The following NDUFA5 variants were observed in gnomAD, a reference collection of about 807,000 sequenced individuals.
NDUFA5 encodes the protein NADH:ubiquinone oxidoreductase subunit A5, also known as NADH dehydrogenase [ubiquinone] 1 alpha subcomplex subunit 5.
A neutral mutation model predicts 19.8 loss-of-function variants in NDUFA5; 11 were observed. The observed-to-expected ratio is 0.56, with a 90% confidence interval of 0.35 to 0.92. The LOEUF is 0.92. NDUFA5 is among the 40% of genes least tolerant of loss of function. The pLI, the probability that NDUFA5 is intolerant of heterozygous loss-of-function variation, is 0.01. For synonymous variants in NDUFA5, 47 were observed against 46.8 expected, an observed-to-expected ratio of 1.00 and a Z score of -0.01; for missense variants, 109 against 134.2, an observed-to-expected ratio of 0.81 and a Z score of 0.93.
At chr7:123,558,068 G>A (rs1798630950), upstream of NDUFA5, 1 of 575,150 alleles carries the variant, frequency 1.7e-6, no homozygotes, top group African/African-American at 1.9e-5. Context: ...CACTGCTGAC[G>A]GCTTGCCCAA....
At chr7:123,567,773 T>G in the NDUFA5 span, among the ~76,000 whole-genome samples, 1 of 151,342 alleles carries the variant, frequency 6.6e-6, no homozygotes, top group Non-Finnish European at 1.5e-5. Context: ...AAAGCGAAAA[T>G]AACCCAGAAT....
chr7:123,552,636 T>TAAAA (rs774901648), intron 2 of NDUFA5, among the ~76,000 whole-genome samples: 12,297 of 66,484 alleles, frequency 0.18, 919 homozygotes, highest in African/African-American at 0.25. Context: ...AAAGTATAAC[T>TAAAA]AAAAAAAAAA....
chr7:123,546,428 T>C (rs768435522), intron 3 of NDUFA5, among the ~76,000 whole-genome samples: 11 of 152,206 alleles, frequency 7.2e-5, no homozygotes, highest in Non-Finnish European at 1.5e-4. Flanking sequence ...AAGTCCTTTT[T>C]TTCTACACAT....
intron 1 of NDUFA5, 85 bp from the exon 2 acceptor site, chr7:123,557,533 C>T: frequency 6.2e-7 from 1 of 1,611,224 alleles, no homozygotes; most frequent in Non-Finnish European, 8.5e-7. Flanking sequence ...ACCACGAATC[C>T]CCCGGCTAAA....
the NDUFA5 span, among the ~76,000 whole-genome samples, chr7:123,589,242 A>G: frequency 4.0e-5 from 6 of 151,550 alleles, no homozygotes; most frequent in African/African-American, 1.5e-4. Context: ...TATAATTACA[A>G]TTGTTATTTT....
At chr7:123,568,901 A>G in the NDUFA5 span, among the ~76,000 whole-genome samples, 3 of 152,238 alleles carry the variant, frequency 2.0e-5, no homozygotes, top group South Asian at 6.2e-4. Flanking sequence ...TGTTGATACT[A>G]TATTTCTAAC....
At chr7:123,567,065 T>C in the NDUFA5 span, 2 of 152,320 alleles carry the variant, frequency 1.3e-5, no homozygotes, top group African/African-American at 4.8e-5. Flanking sequence ...CAAAACTAGA[T>C]AGAGCTATTT....
the NDUFA5 span, among the ~76,000 whole-genome samples, chr7:123,586,363 C>T: frequency 6.6e-6 from 1 of 151,738 alleles, no homozygotes; most frequent in Non-Finnish European, 1.5e-5. Context: ...CTGTTGGACA[C>T]TTGTATATCT....
At chr7:123,560,389 A>G (rs945610372), upstream of NDUFA5, among the ~76,000 whole-genome samples, 4 of 152,250 alleles carry the variant, frequency 2.6e-5, no homozygotes, top group African/African-American at 7.2e-5. Flanking sequence ...GGAAAAAGTA[A>G]AACTATCTCT....
the NDUFA5 span, among the ~76,000 whole-genome samples, chr7:123,580,007 A>G: frequency 2.0e-5 from 3 of 152,084 alleles, no homozygotes; most frequent in African/African-American, 7.2e-5. Context: ...GTACATAAAT[A>G]ATTACTATGT....
chr7:123,600,482 A>C, the NDUFA5 span, among the ~76,000 whole-genome samples: 4 of 152,330 alleles, frequency 2.6e-5, no homozygotes, highest in African/African-American at 9.6e-5. Flanking sequence ...AAAGCTTTAT[A>C]TGAATTTCTA....
chr7:123,585,422 G>A, the NDUFA5 span, among the ~76,000 whole-genome samples: 1 of 151,830 alleles, frequency 6.6e-6, no homozygotes, highest in South Asian at 2.1e-4. Context: ...GAATGCATAT[G>A]CAATATTGCT....
the NDUFA5 span, among the ~76,000 whole-genome samples, chr7:123,600,050 T>C: frequency 1.3e-5 from 2 of 152,214 alleles, no homozygotes; most frequent in African/African-American, 4.8e-5. Context: ...ACTCAAAGTA[T>C]GTCTTATTGT....
At chr7:123,569,920 G>C in the NDUFA5 span, among the ~76,000 whole-genome samples, 1 of 151,550 alleles carries the variant, frequency 6.6e-6, no homozygotes, top group African/African-American at 2.4e-5. Context: ...TTAGAAGTTA[G>C]AAGCAAATAA....
chr7:123,596,936 G>T, the NDUFA5 span, among the ~76,000 whole-genome samples: 32 of 152,122 alleles, frequency 2.1e-4, no homozygotes, highest in Admixed American at 5.2e-4. Flanking sequence ...ATTAGGCTTG[G>T]TTTATATTAA....
At chr7:123,598,528 C>A in the NDUFA5 span, among the ~76,000 whole-genome samples, 1 of 152,088 alleles carries the variant, frequency 6.6e-6, no homozygotes, top group African/African-American at 2.4e-5. Context: ...AAAAGATCAA[C>A]CAGCTTTTAA....
chr7:123,591,015 G>A, the NDUFA5 span, among the ~76,000 whole-genome samples: 20 of 152,026 alleles, frequency 1.3e-4, no homozygotes, highest in African/African-American at 4.1e-4. Context: ...GGTCCTTCAC[G>A]TCCCCTGTAA....
intron 2 of NDUFA5, 57 bp from the exon 3 acceptor site, chr7:123,550,643 G>T: frequency 9.8e-7 from 1 of 1,016,336 alleles, no homozygotes; most frequent in Non-Finnish European, 1.5e-6. Flanking sequence ...AAGACTTAAT[G>T]GAACACTTGT....
intron 3 of NDUFA5, among the ~76,000 whole-genome samples, chr7:123,549,779 A>T (rs974113545): frequency 6.6e-6 from 1 of 152,204 alleles, no homozygotes; most frequent in Non-Finnish European, 1.5e-5. Flanking sequence ...CCCATCATAT[A>T]ATACAATACA....
Sources: gnomAD v4.1 joint callset for allele counts (sites outside exome capture counted in the v4.1 genomes callset) on GRCh38, gnomAD v4.1.1 for gene constraint, MANE v1.5 for transcripts, NCBI Gene and HGNC (gene_info 2026-07-23, HGNC 2026-07-21) for gene names.